Variants in TJP3 observed in about 807,000 individuals in gnomAD.
The protein encoded by TJP3 is tight junction protein 3, also known as tight junction protein ZO-3.
TJP3 carries 85 observed loss-of-function variants against 104.2 expected under a neutral mutation model. The ratio of observed to expected loss-of-function variants is 0.82; its 90% CI spans 0.68 to 0.98. The LOEUF (loss-of-function observed/expected upper bound fraction) is 0.98, where lower values mean the gene tolerates loss of function less well. TJP3 is among the 50% of genes least tolerant of loss of function. The probability of loss-of-function intolerance (pLI) is 0.00; values close to 1 mark genes in which losing one functional copy is unlikely to be tolerated. For missense variants in TJP3, 1,367 were observed against 1,322.8 expected (o/e 1.03, Z -0.52); for synonymous variants, 550 against 550.6 (o/e 1.00, Z 0.02).
chr19:3,726,566 T>C (rs1451867469), intron 1 of TJP3, among the ~76,000 whole-genome samples: 1 of 150,788 alleles, frequency 6.6e-6, no homozygotes, highest in Admixed American at 6.6e-5. Context: ...ACCATTGCAC[T>C]CCAGCCTCAG....
intron 6 of TJP3, among the ~76,000 whole-genome samples, chr19:3,733,177 A>G (rs954887238): frequency 6.6e-6 from 1 of 151,740 alleles, no homozygotes; most frequent in Non-Finnish European, 1.5e-5. Context: ...CTGGGACCAC[A>G]GGCGCCCACC....
Position 3,740,769 on chromosome 19 carries a change from G to T in TJP3, c.1843+6G>T, listed in dbSNP as rs1411879831. On this transcript the variant is annotated splice_donor_region_variant and intron_variant, in intron 14 of 20. Transcript: ENST00000541714. ...ACGAGTGGTGTTGCGAGAAGGTGGG[G>T]CCCGGAGCTGGAGGGGCCCTGGGGA... The T allele has an allele frequency of 6.4e-7, 1 of 1,558,880 alleles. No individual in the cohort carries two copies. Among genetic ancestry groups the T allele is most frequent in the Non-Finnish European group, 8.7e-7 (1 of 1,153,508 alleles).
At position 3,746,027 on chromosome 19, in the gene TJP3, C is replaced by A; in HGVS notation, c.1956C>A (p.Thr652=). The A allele has an allele frequency of 1.6e-5, 25 of 1,608,240 alleles. No homozygotes were observed. Among genetic ancestry groups the A allele is most frequent in the Non-Finnish European group, 2.1e-5 (25 of 1,177,206 alleles). ...CGTCCACAGAGACTGTGTCCAGGAC[C>A]GACAGCCCCTCCAAGATCATCAAAC... ...QFEIAETVSR[T]DSPSKIIKLD... Residue 652 remains threonine (T), a synonymous_variant, in exon 16 of 21, where the codon ACC becomes ACA. Transcript: ENST00000541714. The surrounding 1 kb of genome is among the most constrained non-coding windows in gnomAD (Gnocchi z 4.1).
chr19:3,745,133 C>CTTTTTT lies in TJP3; in HGVS notation c.1940-853_1940-848dup, dbSNP rs549831017. ...TTAAAAAAAGATGCAAATTTTATGT[C>CTTTTTT]TTTTTTTTTTTTTTTTTTTTTTTTT... On this transcript the variant is annotated intron_variant, in intron 15 of 20. Transcript: ENST00000541714. 1.4e-3 allele frequency among the ~76,000 whole-genome samples: 97 copies of CTTTTTT among 70,032 alleles called. 3 individuals are homozygous for CTTTTTT. The highest frequency in any genetic ancestry group is 1.8e-3 in the East Asian group (4 of 2,276). The allele number at this position is 70,032 out of a possible 152,430, so 45.9% of individuals were successfully genotyped here.
chr19:3,721,212 CTT>C (rs916892771), intron 1 of TJP3, among the ~76,000 whole-genome samples: 1 of 152,108 alleles, frequency 6.6e-6, no homozygotes, highest in Non-Finnish European at 1.5e-5. Flanking sequence ...GCCCTGCCCC[CTT>C]TCTTTTCTGG....
intron 1 of TJP3, among the ~76,000 whole-genome samples, chr19:3,723,924 AG>A (rs2036570127): frequency 6.6e-6 from 1 of 151,954 alleles, no homozygotes; most frequent in African/African-American, 2.4e-5. Flanking sequence ...ATTTGAGCCT[AG>A]ACCTCAGTGG....
Position 3,750,147 on chromosome 19 carries a change from C to G in TJP3, c.2620C>G (p.Arg874Gly). 5 of 1,614,058 alleles carry G rather than the reference C, an allele frequency of 3.1e-6. No individual in the cohort carries two copies. In the East Asian group the frequency reaches 1.1e-4, roughly 36 times the overall value. Reference protein sequence around the residue: ...SAHQGAQVDSRHPQGQWRQDS... With the variant: ...SAHQGAQVDSGHPQGQWRQDS... ...CTCCCTCTCCTCCAAGGTGGACAGC[C>G]GCCACCCCCAGGGACAGTGGCGACA... Residue 874 changes from arginine (R) to glycine (G), a missense_variant, in exon 20 of 21, where the codon CGC (arginine) becomes GGC (glycine). Coordinates refer to ENST00000541714, the MANE Select transcript of TJP3 (RefSeq NM_001267560.2).
intron 6 of TJP3, among the ~76,000 whole-genome samples, chr19:3,733,434 T>C (rs1482691900): frequency 6.6e-6 from 1 of 152,234 alleles, no homozygotes; most frequent in Non-Finnish European, 1.5e-5. Context: ...TTGTTTATAA[T>C]GTCACCCTCA....
rs577289520 is a variant in TJP3 at position 3,728,426 on chromosome 19, G to A, written c.-7G>A. On this transcript the variant is annotated splice_region_variant and 5_prime_UTR_variant, in exon 2 of 21. Transcript: ENST00000541714. ...TCTTCCCCGCTCCCCTCGACCAGGT[G>A]GCTGACATGGAGGAGCTGACCATCT... is the stretch of plus-strand genomic sequence containing the variant. 906 of 1,614,190 alleles carry A rather than the reference G, an allele frequency of 5.6e-4. 14 individuals carry two copies. In the South Asian group the frequency reaches 9.6e-3, roughly 17 times the overall value.
intron 11 of TJP3, among the ~76,000 whole-genome samples, chr19:3,737,872 T>C (rs1285863831): frequency 6.6e-6 from 1 of 152,170 alleles, no homozygotes. Flanking sequence ...TGTGCAAGTA[T>C]ATTGCTGTCC....
chr19:3,712,509 C>T (rs2036442652), intron 1 of TJP3, among the ~76,000 whole-genome samples: 1 of 152,130 alleles, frequency 6.6e-6, no homozygotes, highest in Non-Finnish European at 1.5e-5. Flanking sequence ...TGAGCCTTCC[C>T]TGAAATACTG....
chr19:3,741,329 G>C (rs971486744), intron 14 of TJP3, among the ~76,000 whole-genome samples: 8 of 152,162 alleles, frequency 5.3e-5, no homozygotes, highest in Non-Finnish European at 8.8e-5. Flanking sequence ...AGATAGCTGG[G>C]CATGGTGGTG....
At chr19:3,748,489 T>C (rs2036938221) in intron 19 of TJP3, among the ~76,000 whole-genome samples, 1 of 151,496 alleles carries the variant, frequency 6.6e-6, no homozygotes, top group African/African-American at 2.4e-5. Context: ...AGGCTGGTCT[T>C]GAACTCCTGA....
Position 3,740,734 on chromosome 19 carries a change from C to T in TJP3, c.1814C>T (p.Pro605Leu), listed in dbSNP as rs144553189. ...LSALTRQGRYPPYERVVLREA... is the reference protein window; with the variant it reads ...LSALTRQGRYLPYERVVLREA... ...GCTCTGACCCGACAGGGCCGCTACC[C>T]GCCCTACGAACGAGTGGTGTTGCGA... The change falls in exon 14 of 21, where the codon CCG (proline) becomes CTG (leucine). Residue 605 changes from proline (P) to leucine (L), a missense_variant. By Grantham distance (98) the Pro-to-Leu change is moderately conservative. Coordinates refer to ENST00000541714, the MANE Select transcript of TJP3 (RefSeq NM_001267560.2). 23 of 1,594,352 alleles carry T rather than the reference C, an allele frequency of 1.4e-5. No homozygotes were observed. The highest frequency in any genetic ancestry group is 1.5e-5 in the Non-Finnish European group (18 of 1,171,222).
At chr19:3,750,092 AT>A in intron 19 of TJP3, 45 bp from the exon 20 acceptor site, 1 of 1,613,464 alleles carries the variant, frequency 6.2e-7, no homozygotes, top group South Asian at 1.1e-5. Flanking sequence ...TCGACTCACC[AT>A]GCTCTGGGGG....
At chr19:3,739,270 TCATGAGGTCAAGAGATCGAGAC>T in intron 13 of TJP3, 136 bp downstream of exon 13, 1 of 711,224 alleles carries the variant, frequency 1.4e-6, no homozygotes, top group Non-Finnish European at 2.2e-6. Flanking sequence ...AGTGGGCAGA[TCATGAGGTCAAGAGATCGAGAC>T]CATCCTGGGC....
chr19:3,748,203 G>C, intron 19 of TJP3, 122 bp downstream of exon 19: 3 of 1,315,304 alleles, frequency 2.3e-6, no homozygotes, highest in Admixed American at 2.9e-5. Context: ...TCCCTGGTCA[G>C]ACTGGTTTCT....
intron 1 of TJP3, among the ~76,000 whole-genome samples, chr19:3,724,387 G>A (rs910863479): frequency 5.3e-5 from 8 of 152,146 alleles, no homozygotes; most frequent in African/African-American, 1.9e-4. Context: ...AGTAGAGACG[G>A]GGTTTCACCA....
chr19:3,718,011 T>C (rs560777044), intron 1 of TJP3, among the ~76,000 whole-genome samples: 16 of 151,342 alleles, frequency 1.1e-4, no homozygotes, highest in South Asian at 2.1e-4. Context: ...GTCAGGAGTT[T>C]GAGACCATCC....
Sources: allele counts gnomAD v4.1 joint callset (sites outside exome capture counted in the v4.1 genomes callset), GRCh38; gene constraint gnomAD v4.1.1; non-coding constraint Gnocchi (gnomAD v3.1); transcripts MANE v1.5; gene names NCBI Gene and HGNC (gene_info 2026-07-23, HGNC 2026-07-21).